ATP8A2: variants seen among roughly 807,000 people sequenced by gnomAD.
ATP8A2 encodes the protein ATPase phospholipid transporting 8A2.
ATP8A2 carries 100 observed loss-of-function variants against 165.6 expected under a neutral mutation model. The observed-to-expected ratio is 0.60, with a 90% confidence interval of 0.51 to 0.71. The LOEUF (loss-of-function observed/expected upper bound fraction) is 0.71, where lower values mean the gene tolerates loss of function less well. Among genes scored for constraint, ATP8A2 ranks in the 30% least tolerant of loss-of-function variants. The pLI is 0.00. For synonymous variants in ATP8A2, 543 were observed against 548.8 expected (o/e 0.99, Z 0.15); for missense variants, 1,227 against 1,479.5 (o/e 0.83, Z 2.80).
intron 24 of ATP8A2, among the ~76,000 whole-genome samples, chr13:25,671,395 G>A (rs2042259428): frequency 6.6e-6 from 1 of 152,198 alleles, no homozygotes; most frequent in Non-Finnish European, 1.5e-5. Context: ...GGGAATAAGA[G>A]AGATAACCTT....
intron 1 of ATP8A2, among the ~76,000 whole-genome samples, chr13:25,390,206 C>G (rs553003469): frequency 6.6e-6 from 1 of 152,276 alleles, no homozygotes; most frequent in East Asian, 1.9e-4. Context: ...CTTGGCCAGG[C>G]TGGTCTTGAA....
chr13:25,704,202 G>A (rs1225071251), intron 25 of ATP8A2, among the ~76,000 whole-genome samples: 1 of 152,144 alleles, frequency 6.6e-6, no homozygotes, highest in Non-Finnish European at 1.5e-5. Context: ...AACTCCCCGT[G>A]GCACCTCTCT....
chr13:25,681,640 A>G (rs2042490755), intron 24 of ATP8A2, among the ~76,000 whole-genome samples: 1 of 152,212 alleles, frequency 6.6e-6, no homozygotes, highest in Admixed American at 6.5e-5. Flanking sequence ...AAAAAGAAAA[A>G]TAGAGGTAGT....
intron 24 of ATP8A2, among the ~76,000 whole-genome samples, chr13:25,636,254 T>C (rs906513521): frequency 5.3e-5 from 8 of 152,194 alleles, no homozygotes; most frequent in African/African-American, 1.9e-4. Flanking sequence ...TCTAACCCCC[T>C]GCTGTGTTTC....
At chr13:25,644,938 AT>A (rs1003166575) in intron 24 of ATP8A2, among the ~76,000 whole-genome samples, 3 of 151,932 alleles carry the variant, frequency 2.0e-5, no homozygotes, top group African/African-American at 4.8e-5. Flanking sequence ...TTTGAGTCGT[AT>A]TTTGGGTTAT....
intron 25 of ATP8A2, among the ~76,000 whole-genome samples, chr13:25,746,619 G>A (rs1470808001): frequency 1.3e-5 from 2 of 152,144 alleles, no homozygotes; most frequent in Non-Finnish European, 2.9e-5. Context: ...CTCATTTGTG[G>A]GAAAGCTGGT....
rs893338169 is a variant in ATP8A2, at chr13:26,022,111, C to T, written c.*2126C>T. The T allele has an allele frequency of 6.6e-6, 1 of 152,178 alleles. No individual in the cohort carries two copies. Among genetic ancestry groups the T allele is most frequent in the Admixed American group, 6.5e-5 (1 of 15,278 alleles). The allele number at this position is 152,178 out of a possible 1,614,324, so 9.4% of individuals were successfully genotyped here. A position where few individuals can be genotyped will look rare whatever the true frequency, so the allele number is the denominator to read the frequency against. ...CAGAGTACCCAGCAAGACGGAAGGA[C>T]TGTCATGCAGGAACTCTAACACAAA... On this transcript the variant is annotated 3_prime_UTR_variant, in exon 37 of 37. Transcript: ENST00000381655.
chr13:25,826,259 A>G (rs564094391), intron 27 of ATP8A2, among the ~76,000 whole-genome samples: 6 of 152,236 alleles, frequency 3.9e-5, no homozygotes, highest in African/African-American at 1.4e-4. Flanking sequence ...TTTAAAGGAA[A>G]AAGAAATTAA....
chr13:25,460,938 T>C (rs1237206645), intron 1 of ATP8A2, among the ~76,000 whole-genome samples: 1 of 152,218 alleles, frequency 6.6e-6, no homozygotes, highest in Admixed American at 6.5e-5. Context: ...TCTCTGTTGC[T>C]GTAAAAATGG....
chr13:25,700,540 C>T (rs1234766956), intron 25 of ATP8A2, among the ~76,000 whole-genome samples: 1 of 152,148 alleles, frequency 6.6e-6, no homozygotes, highest in Non-Finnish European at 1.5e-5. Context: ...GTCAGTACTT[C>T]CTTCTTTTTA....
intron 33 of ATP8A2, chr13:25,950,566 G>C (rs1414395900): frequency 3.3e-5 from 5 of 152,218 alleles, no homozygotes; most frequent in Non-Finnish European, 5.9e-5. Flanking sequence ...ATTTAACAAT[G>C]AACAAGAGTT....
intron 24 of ATP8A2, among the ~76,000 whole-genome samples, chr13:25,597,639 C>T (rs79456308): frequency 0.038 from 5,819 of 152,240 alleles, 135 homozygotes; most frequent in Non-Finnish European, 0.052. Flanking sequence ...AGGTACTTCT[C>T]CAGTCAGGCC....
At chr13:25,551,279 C>T (rs2038813430) in intron 10 of ATP8A2, 59 bp from the exon 11 acceptor site, 3 of 1,519,638 alleles carry the variant, frequency 2.0e-6, no homozygotes, top group Admixed American at 3.7e-5. Context: ...TCCTTTCCCC[C>T]AACCCCTTGC....
chr13:25,717,499 A>G (rs1179994810), intron 25 of ATP8A2, among the ~76,000 whole-genome samples: 1 of 151,852 alleles, frequency 6.6e-6, no homozygotes, highest in Non-Finnish European at 1.5e-5. Context: ...GGGGAGGTCA[A>G]GTCACTTACC....
chr13:25,889,115 A>T (rs1953265380), intron 33 of ATP8A2, among the ~76,000 whole-genome samples: 2 of 151,768 alleles, frequency 1.3e-5, no homozygotes, highest in Admixed American at 1.3e-4. Flanking sequence ...TTCGTATACC[A>T]TCTTCAGACA....
At chr13:25,973,937 CT>C (rs1346242893) in intron 35 of ATP8A2, among the ~76,000 whole-genome samples, 1 of 152,324 alleles carries the variant, frequency 6.6e-6, no homozygotes, top group Non-Finnish European at 1.5e-5. Flanking sequence ...CTATTATTGG[CT>C]TTTTTTCCAG....
At chr13:25,426,561 A>T (rs1274476320) in intron 1 of ATP8A2, among the ~76,000 whole-genome samples, 4 of 152,300 alleles carry the variant, frequency 2.6e-5, no homozygotes, top group Middle Eastern at 6.8e-3. Context: ...TGATACCATT[A>T]TGGTGGCTAC....
At chr13:25,872,874 AG>A (rs1952714897) in intron 33 of ATP8A2, among the ~76,000 whole-genome samples, 1 of 152,348 alleles carries the variant, frequency 6.6e-6, no homozygotes, top group Non-Finnish European at 1.5e-5. Context: ...CAACATAAAA[AG>A]AAGTTAGTGA....
At chr13:25,601,609 C>T (rs769124672) in intron 24 of ATP8A2, among the ~76,000 whole-genome samples, 8 of 152,186 alleles carry the variant, frequency 5.3e-5, no homozygotes, top group Non-Finnish European at 8.8e-5. Context: ...GGACTACAGG[C>T]GCGCTACAGG....
Sources: gnomAD v4.1 joint callset for allele counts (sites outside exome capture counted in the v4.1 genomes callset) on GRCh38, gnomAD v4.1.1 for gene constraint, MANE v1.5 for transcripts, NCBI Gene and HGNC (gene_info 2026-07-23, HGNC 2026-07-21) for gene names.